CCDC102B: variants seen among roughly 807,000 people sequenced by gnomAD.
CCDC102B encodes coiled-coil domain containing 102B.
CCDC102B carries 75 observed loss-of-function variants against 57.4 expected under a neutral mutation model. The observed-to-expected ratio is 1.31, with a 90% confidence interval of 1.08 to 1.58. CCDC102B has a LOEUF of 1.58. CCDC102B is among the 40% of genes most tolerant of loss of function. The probability of loss-of-function intolerance (pLI) is 0.00; values close to 1 mark genes in which losing one functional copy is unlikely to be tolerated. For missense variants in CCDC102B, 636 were observed against 582.6 expected (o/e 1.09, Z -0.94); for synonymous variants, 206 against 201.9 (o/e 1.02, Z -0.17).
At chr18:68,885,531 G>A (rs1870423582) in intron 5 of CCDC102B, among the ~76,000 whole-genome samples, 1 of 151,948 alleles carries the variant, frequency 6.6e-6, no homozygotes, top group Non-Finnish European at 1.5e-5. Flanking sequence ...TAGATGATCA[G>A]AAATCAGAAA....
chr18:68,804,545 CAG>C (rs951430616), intron 1 of CCDC102B, among the ~76,000 whole-genome samples: 1 of 152,084 alleles, frequency 6.6e-6, no homozygotes, highest in Non-Finnish European at 1.5e-5. Context: ...GAAGCTGAGA[CAG>C]AATGTGGGGC....
At chr18:69,009,144 G>A in intron 6 of CCDC102B, among the ~76,000 whole-genome samples, 1 of 152,070 alleles carries the variant, frequency 6.6e-6, no homozygotes, top group Non-Finnish European at 1.5e-5. Context: ...GTTTCTCCAT[G>A]AATGAATCCT....
At chr18:69,037,827 T>C (rs2052334962) in intron 7 of CCDC102B, among the ~76,000 whole-genome samples, 1 of 152,012 alleles carries the variant, frequency 6.6e-6, no homozygotes, top group Non-Finnish European at 1.5e-5. Flanking sequence ...GTCTAATTTG[T>C]AGCACTGGGG....
intron 2 of CCDC102B, among the ~76,000 whole-genome samples, chr18:68,765,378 A>AAAGAAAGG (rs1568239061): frequency 1.7e-4 from 22 of 132,610 alleles, no homozygotes; most frequent in African/African-American, 5.8e-4. Context: ...AGAAAGAAAG[A>AAAGAAAGG]AAAGAAAGAA....
At chr18:68,893,090 T>C (rs896235587) in intron 5 of CCDC102B, among the ~76,000 whole-genome samples, 3 of 152,336 alleles carry the variant, frequency 2.0e-5, no homozygotes, top group Admixed American at 6.5e-5. Context: ...TTGGTACAAC[T>C]TGAGGAAAAA....
At chr18:69,049,884 A>T (rs1305576632) in intron 7 of CCDC102B, among the ~76,000 whole-genome samples, 3 of 151,630 alleles carry the variant, frequency 2.0e-5, no homozygotes, top group Admixed American at 6.6e-5. Flanking sequence ...ATCTCGGCTC[A>T]CTGCAACCTC....
At chr18:68,771,429 A>G (rs2034633522) in intron 2 of CCDC102B, among the ~76,000 whole-genome samples, 1 of 152,196 alleles carries the variant, frequency 6.6e-6, no homozygotes, top group African/African-American at 2.4e-5. Flanking sequence ...GTCAGGGTGC[A>G]AAATAACGAT....
intron 2 of CCDC102B, among the ~76,000 whole-genome samples, chr18:68,777,229 T>TAC (rs1170195306): frequency 1.3e-5 from 2 of 152,214 alleles, no homozygotes; most frequent in Non-Finnish European, 2.9e-5. Flanking sequence ...GATCAAGACG[T>TAC]ACACATGTCT....
intron 2 of CCDC102B, among the ~76,000 whole-genome samples, chr18:68,720,791 C>T (rs2032284060): frequency 1.3e-5 from 2 of 152,146 alleles, no homozygotes. Flanking sequence ...ACTCCTGACT[C>T]ATATGGGCAT....
intron 5 of CCDC102B, among the ~76,000 whole-genome samples, chr18:68,889,639 A>G (rs1431521548): frequency 1.3e-5 from 2 of 152,018 alleles, no homozygotes; most frequent in Admixed American, 1.3e-4. Context: ...CAGTTTCTCC[A>G]TGTTGGTCAA....
chr18:69,018,317 T>C (rs112044009), intron 7 of CCDC102B, among the ~76,000 whole-genome samples: 61 of 152,364 alleles, frequency 4.0e-4, no homozygotes, highest in African/African-American at 1.5e-3. Context: ...ATGGCAGGTC[T>C]ACTTTTTAAT....
intron 3 of CCDC102B, among the ~76,000 whole-genome samples, chr18:68,844,054 C>T (rs1474129937): frequency 6.6e-6 from 1 of 151,814 alleles, no homozygotes; most frequent in Non-Finnish European, 1.5e-5. Flanking sequence ...AAATGGTAAC[C>T]TTTTACATAA....
chr18:68,878,945 T>C (rs12957529), intron 5 of CCDC102B, among the ~76,000 whole-genome samples: 40,752 of 152,012 alleles, frequency 0.27, 6,420 homozygotes, highest in Non-Finnish European at 0.36. Context: ...TGGAGTTTGT[T>C]AACTCCAAAG....
chr18:68,843,058 A>C (rs1188922223), intron 3 of CCDC102B, among the ~76,000 whole-genome samples: 1 of 152,176 alleles, frequency 6.6e-6, no homozygotes, highest in Non-Finnish European at 1.5e-5. Flanking sequence ...TTCTTTAAAC[A>C]CTTATCTTTT....
Position 68,785,097 on chromosome 18 carries a change from G to C in CCDC102B, c.-66-38269G>C, listed in dbSNP as rs187359225. ...GCGGTGTTTGGTTTTTTGTTCTTGC[G>C]ATAGTTCACTGAGAATGATGACTTC... On this transcript the variant is annotated intron_variant, in intron 2 of 3. Transcript: ENST00000578970. Among the ~76,000 whole-genome samples the C allele has an allele frequency of 3.1e-3, 466 of 151,226 alleles. 1 individual carries two copies. The highest frequency in any genetic ancestry group is 0.011 in the African/African-American group (446 of 41,186).
chr18:69,049,206 A>T (rs4891723), intron 7 of CCDC102B, among the ~76,000 whole-genome samples: 2 of 151,734 alleles, frequency 1.3e-5, no homozygotes, highest in South Asian at 4.2e-4. Context: ...CTACCCCCTG[A>T]CAGGCCCTGC....
At chr18:68,815,440 C>T (rs2036434902) in intron 1 of CCDC102B, among the ~76,000 whole-genome samples, 1 of 152,106 alleles carries the variant, frequency 6.6e-6, no homozygotes, top group East Asian at 1.9e-4. Flanking sequence ...TTTTGAATGT[C>T]TTCCATGTCC....
At chr18:68,778,590 CTT>C (rs1568245230) in intron 2 of CCDC102B, among the ~76,000 whole-genome samples, 1 of 152,056 alleles carries the variant, frequency 6.6e-6, no homozygotes, top group Non-Finnish European at 1.5e-5. Context: ...AATTGAGAAA[CTT>C]TCCCTAAAGT....
At chr18:68,926,028 A>G (rs2041464856) in intron 6 of CCDC102B, among the ~76,000 whole-genome samples, 1 of 152,012 alleles carries the variant, frequency 6.6e-6, no homozygotes, top group African/African-American at 2.4e-5. Context: ...AGGGATAATA[A>G]ATTAGCAAAA....
Sources: allele counts gnomAD v4.1 joint callset (sites outside exome capture counted in the v4.1 genomes callset), GRCh38; gene constraint gnomAD v4.1.1; transcripts MANE v1.5; gene names NCBI Gene and HGNC (gene_info 2026-07-23, HGNC 2026-07-21).